GLG1: variants seen among roughly 807,000 people sequenced by gnomAD.
The protein encoded by GLG1 is golgi glycoprotein 1.
Under a neutral mutation model 160.5 loss-of-function variants are expected in GLG1, and 38 were observed. The ratio of observed to expected loss-of-function variants is 0.24; its 90% CI spans 0.18 to 0.31. GLG1 has a LOEUF of 0.31. Among genes scored for constraint, GLG1 ranks in the 10% least tolerant of loss-of-function variants. The pLI is 1.00. For synonymous variants in GLG1, 644 were observed against 543.4 expected (o/e 1.19, Z -2.57); for missense variants, 1,373 against 1,505.2 (o/e 0.91, Z 1.45).
chr16:74,593,279 C>T (rs1018954828), intron 1 of GLG1, among the ~76,000 whole-genome samples: 1 of 152,194 alleles, frequency 6.6e-6, no homozygotes, highest in African/African-American at 2.4e-5. Context: ...CATTACACCC[C>T]TTTCTGCATC....
At chr16:74,572,918 T>A (rs1453951425) in intron 1 of GLG1, among the ~76,000 whole-genome samples, 5 of 152,204 alleles carry the variant, frequency 3.3e-5, no homozygotes, top group Admixed American at 3.3e-4. Context: ...GCTCTCAACC[T>A]GTGGGATCTG....
intron 5 of GLG1, 38 bp from the exon 6 acceptor site, chr16:74,494,869 T>C (rs770178755): frequency 5.2e-6 from 5 of 959,378 alleles, no homozygotes; most frequent in Non-Finnish European, 8.6e-6. Context: ...TTACTTTAGC[T>C]AAATAGTTAT....
intron 1 of GLG1, among the ~76,000 whole-genome samples, chr16:74,536,140 A>G (rs3096403): frequency 2.0e-4 from 30 of 152,310 alleles, no homozygotes; most frequent in Admixed American, 7.2e-4. Flanking sequence ...AAACAGATGC[A>G]GGTGCTGATT....
rs896031808 is a variant in GLG1 at position 74,449,511 on chromosome 16, C to T, written c.*3656G>A. ...CCATTAGATTCTTCTGTTAGTTGAT[C>T]TCAGGAAACAGAAACAAATGAAATC... On this transcript the variant is annotated 3_prime_UTR_variant, in exon 26 of 26. Transcript: ENST00000422840. 4 of 152,206 alleles carry T rather than the reference C, an allele frequency of 2.6e-5. No homozygotes were observed. Among genetic ancestry groups the T allele is most frequent in the Non-Finnish European group, 5.9e-5 (4 of 68,036 alleles). The allele number at this position is 152,206 out of a possible 1,614,324, so 9.4% of individuals were successfully genotyped here.
intron 4 of GLG1, among the ~76,000 whole-genome samples, chr16:74,501,834 C>G (rs981132179): frequency 6.6e-6 from 1 of 152,192 alleles, no homozygotes; most frequent in Non-Finnish European, 1.5e-5. Context: ...TGAGAGTCTG[C>G]TGGGAAGGAA....
At chr16:74,580,632 T>C (rs1031809746) in intron 1 of GLG1, among the ~76,000 whole-genome samples, 3 of 152,180 alleles carry the variant, frequency 2.0e-5, no homozygotes, top group African/African-American at 4.8e-5. Flanking sequence ...ATTTATTGGC[T>C]ATGACACTAA....
intron 1 of GLG1, among the ~76,000 whole-genome samples, chr16:74,536,491 C>A (rs1199223696): frequency 6.6e-6 from 1 of 152,130 alleles, no homozygotes; most frequent in East Asian, 1.9e-4. Context: ...TCTCTAATCT[C>A]AAGTTGTTTA....
At chr16:74,539,994 A>ATT in intron 1 of GLG1, among the ~76,000 whole-genome samples, 1 of 1,336 alleles carries the variant, frequency 7.5e-4, no homozygotes, top group African/African-American at 8.0e-4. Flanking sequence ...ATATATATAT[A>ATT]TTTTATATAT....
chr16:74,573,239 T>C (rs2018887874), intron 1 of GLG1, among the ~76,000 whole-genome samples: 4 of 152,162 alleles, frequency 2.6e-5, no homozygotes, highest in Admixed American at 2.6e-4. Context: ...AGAAGATCTT[T>C]ACTACAAGAA....
At chr16:74,517,130 A>T (rs942210023) in intron 2 of GLG1, among the ~76,000 whole-genome samples, 3 of 152,218 alleles carry the variant, frequency 2.0e-5, no homozygotes, top group African/African-American at 7.2e-5. Flanking sequence ...AGGTACAAAG[A>T]GGAGCTGGTA....
intron 1 of GLG1, among the ~76,000 whole-genome samples, chr16:74,588,712 C>T (rs1335451641): frequency 6.6e-6 from 1 of 152,108 alleles, no homozygotes; most frequent in African/African-American, 2.4e-5. Context: ...AGCCACCACA[C>T]TTGGCCTGTT....
intron 2 of GLG1, among the ~76,000 whole-genome samples, chr16:74,531,239 T>C (rs575543449): frequency 1.6e-4 from 25 of 152,254 alleles, no homozygotes; most frequent in Non-Finnish European, 3.1e-4. Flanking sequence ...TCCGGTCCCA[T>C]CTACCTTCTA....
intron 3 of GLG1, among the ~76,000 whole-genome samples, chr16:74,504,216 T>C (rs2016516378): frequency 6.6e-6 from 1 of 152,116 alleles, no homozygotes; most frequent in Non-Finnish European, 1.5e-5. Flanking sequence ...CAGAAAACTA[T>C]TATTGTTAGG....
rs541296305 is a variant in GLG1, at chr16:74,465,187, A to G, written c.2667+489T>C. ...TGGCGAGATCAGGGAACTGACATCT[A>G]GGTACTCAGGTCAGCCCTGCTGCAG... is the stretch of plus-strand genomic sequence containing the variant. On this transcript the variant is annotated intron_variant, in intron 19 of 25. Transcript: ENST00000422840. Among the ~76,000 whole-genome samples, 3 of 152,316 alleles carry G rather than the reference A, an allele frequency of 2.0e-5. No homozygotes were observed. In the East Asian group the frequency reaches 5.8e-4, roughly 29 times the overall value.
intron 1 of GLG1, among the ~76,000 whole-genome samples, chr16:74,578,345 T>G (rs1957861986): frequency 6.6e-6 from 1 of 152,202 alleles, no homozygotes; most frequent in South Asian, 2.1e-4. Context: ...CACCGCACAG[T>G]CCATTTTATC....
intron 18 of GLG1, among the ~76,000 whole-genome samples, chr16:74,467,276 TA>T (rs2015033863): frequency 6.6e-6 from 1 of 152,338 alleles, no homozygotes; most frequent in African/African-American, 2.4e-5. Context: ...AACATTTTTT[TA>T]AAAATCATTT....
intron 21 of GLG1, 88 bp downstream of exon 21, chr16:74,462,400 G>C (rs901741375): frequency 7.9e-7 from 1 of 1,271,346 alleles, no homozygotes; most frequent in African/African-American, 1.5e-5. Flanking sequence ...TTGGGAAAAC[G>C]GGAGCAAGCT....
intron 1 of GLG1, among the ~76,000 whole-genome samples, chr16:74,574,883 CAAAAAAAAAAAAAAAA>C (rs531720341): frequency 8.5e-4 from 21 of 24,792 alleles, no homozygotes; most frequent in South Asian, 3.6e-3. Context: ...GACTCTGTCT[CAAAAAAAAAAAAAAAA>C]AAAAAAAAAA....
At chr16:74,588,559 A>G (rs999226260) in intron 1 of GLG1, among the ~76,000 whole-genome samples, 1 of 152,024 alleles carries the variant, frequency 6.6e-6, no homozygotes, top group Non-Finnish European at 1.5e-5. Context: ...AGCCAGGACT[A>G]CAGGCTCTCA....
Sources: gnomAD v4.1 joint callset for allele counts (sites outside exome capture counted in the v4.1 genomes callset) on GRCh38, gnomAD v4.1.1 for gene constraint, MANE v1.5 for transcripts, NCBI Gene and HGNC (gene_info 2026-07-23, HGNC 2026-07-21) for gene names.